Variants in STK26 observed in about 807,000 individuals in gnomAD.
STK26 encodes serine/threonine kinase 26.
A neutral mutation model predicts 34.7 loss-of-function variants in STK26; 14 were observed. The ratio of observed to expected loss-of-function variants is 0.40; its 90% CI spans 0.27 to 0.63. The LOEUF (loss-of-function observed/expected upper bound fraction) is 0.63, where lower values mean the gene tolerates loss of function less well. Among genes scored for constraint, STK26 ranks in the 30% least tolerant of loss-of-function variants. The pLI is 0.38. For synonymous variants in STK26, 100 were observed against 109.8 expected (o/e 0.91, Z 0.56); for missense variants, 226 against 309.1 (o/e 0.73, Z 2.02).
chrX:132,038,450 T>C (rs1438729953), intron 2 of STK26, among the ~76,000 whole-genome samples: 1 of 111,691 alleles, frequency 9.0e-6, no homozygotes, highest in East Asian at 2.8e-4. Context: ...AGGGAAAAGA[T>C]CTAACATAAC....
chrX:132,061,369 A>G (rs1282485108), intron 3 of STK26, among the ~76,000 whole-genome samples: 4 of 111,983 alleles, frequency 3.6e-5, no homozygotes, highest in Non-Finnish European at 7.5e-5. Context: ...GCGAGTGCCT[A>G]GGTTCTATAC....
chrX:132,060,480 T>A (rs928150042), intron 3 of STK26, among the ~76,000 whole-genome samples: 11 of 111,740 alleles, frequency 9.8e-5, no homozygotes, highest in African/African-American at 3.3e-4. Flanking sequence ...ATGTTTTTTT[T>A]AATCAGGCAA....
rs745769707 is a variant in STK26, at chrX:132,061,338, C to T, written c.274-2095C>T. ...TCTTGAAAAAAGTATAAAGGTACAT[C>T]AGAGTCACAATTCTCAGGTTGCGAG... On this transcript the variant is annotated intron_variant, in intron 3 of 11. Coordinates refer to ENST00000394334, the MANE Select transcript of STK26 (RefSeq NM_016542.4). 4.1e-3 allele frequency among the ~76,000 whole-genome samples: 464 copies of T among 112,028 alleles called. 5 individuals are homozygous for T. Among genetic ancestry groups the T allele is most frequent in the African/African-American group, 0.014 (432 of 30,824 alleles).
At chrX:132,041,570 T>A (rs1317509916) in intron 2 of STK26, among the ~76,000 whole-genome samples, 2 of 110,735 alleles carry the variant, frequency 1.8e-5, no homozygotes, top group Non-Finnish European at 3.8e-5. Context: ...TAAGAAACTT[T>A]GTCATTTATC....
At chrX:132,073,116 A>G (rs1461527167) in intron 11 of STK26, 23 bp downstream of exon 11, 1 of 1,168,318 alleles carries the variant, frequency 8.6e-7, no homozygotes, top group South Asian at 1.9e-5. Context: ...TGTCATTTTA[A>G]AAATTATTTT....
At chrX:132,069,756 A>G (rs1927353451) in intron 7 of STK26, 93 bp downstream of exon 7, 1 of 534,269 alleles carries the variant, frequency 1.9e-6, no homozygotes, top group Admixed American at 6.1e-5. Context: ...AATACAGTGT[A>G]TGTGAGAATT....
At chrX:132,025,580 G>A (rs1233302106) in intron 2 of STK26, among the ~76,000 whole-genome samples, 2 of 108,298 alleles carry the variant, frequency 1.8e-5, no homozygotes, top group Admixed American at 9.8e-5. Flanking sequence ...CCTCTGAGTT[G>A]TGATTACTTT....
chrX:132,034,542 C>T (rs1036501294), intron 2 of STK26, among the ~76,000 whole-genome samples: 7 of 110,401 alleles, frequency 6.3e-5, no homozygotes, highest in African/African-American at 2.3e-4. Context: ...GGTCCGCCCG[C>T]CTCGGCCTCC....
At position 132,071,056 on chromosome X, in the gene STK26, T is replaced by C. The variant is rs1407866916; in HGVS notation, c.784-13T>C. 8.3e-7 allele frequency: 1 copy of C among 1,198,762 alleles called. No individual in the cohort carries two copies. The highest frequency in any genetic ancestry group is 3.0e-5 in the East Asian group (1 of 33,718). On this transcript the variant is annotated splice_polypyrimidine_tract_variant and intron_variant, in intron 7 of 11. Coordinates refer to ENST00000394334, the MANE Select transcript of STK26 (RefSeq NM_016542.4). Reference sequence around the variant, plus strand: ...ACAATTGTCATATGCAGCCTTGATCTTTTTATCCTTAGCGTCCTACAGCAA... The same window carrying C: ...ACAATTGTCATATGCAGCCTTGATCCTTTTATCCTTAGCGTCCTACAGCAA...
intron 2 of STK26, among the ~76,000 whole-genome samples, chrX:132,028,037 T>TG (rs1935140268): frequency 9.8e-6 from 1 of 101,813 alleles, no homozygotes; most frequent in Non-Finnish European, 2.0e-5. Flanking sequence ...TATGGTTTTT[T>TG]TTTTTTTTTT....
At chrX:132,047,878 T>A (rs1459086830) in intron 2 of STK26, among the ~76,000 whole-genome samples, 1 of 111,707 alleles carries the variant, frequency 9.0e-6, no homozygotes, top group Admixed American at 9.5e-5. Flanking sequence ...ATGAGGTCAA[T>A]TTTTTATATT....
chrX:132,023,722 G>T, intron 2 of STK26, 63 bp downstream of exon 2: 1 of 1,135,795 alleles, frequency 8.8e-7, no homozygotes, highest in Non-Finnish European at 1.2e-6. Flanking sequence ...TGCGCCCTCG[G>T]TGCTGGGCAC....
At chrX:132,030,020 TCTAA>T (rs1925771787) in intron 2 of STK26, among the ~76,000 whole-genome samples, 1 of 112,121 alleles carries the variant, frequency 8.9e-6, no homozygotes, top group African/African-American at 3.2e-5. Flanking sequence ...AGTGGACTTT[TCTAA>T]CTGTTTAAAA....
chrX:132,066,515 T>C (rs1927230284), intron 4 of STK26, among the ~76,000 whole-genome samples: 1 of 111,896 alleles, frequency 8.9e-6, no homozygotes, highest in Middle Eastern at 4.7e-3. Flanking sequence ...AGATATTATC[T>C]GTTAGAGACA....
At chrX:132,051,076 G>A (rs1006469963) in intron 2 of STK26, among the ~76,000 whole-genome samples, 1 of 111,839 alleles carries the variant, frequency 8.9e-6, no homozygotes, top group Non-Finnish European at 1.9e-5. Flanking sequence ...TAGAGAACTT[G>A]TAAGAGTTCT....
At chrX:132,039,314 T>G (rs1311195119) in intron 2 of STK26, among the ~76,000 whole-genome samples, 2 of 111,846 alleles carry the variant, frequency 1.8e-5, no homozygotes, top group Non-Finnish European at 3.8e-5. Context: ...TTATTTAATA[T>G]GGCCAAGTGG....
chrX:132,035,541 T>C (rs1473810065), intron 2 of STK26, among the ~76,000 whole-genome samples: 1 of 110,172 alleles, frequency 9.1e-6, no homozygotes, highest in Non-Finnish European at 1.9e-5. Flanking sequence ...TTCTTACAAA[T>C]AGAACCTTTC....
chrX:132,055,447 T>G, intron 3 of STK26: 1 of 1,152,279 alleles, frequency 8.7e-7, no homozygotes, highest in Non-Finnish European at 1.1e-6. Context: ...GGATTTTTAC[T>G]GGTTCCAGGA....
chrX:132,065,002 A>T (rs955001048), intron 4 of STK26, among the ~76,000 whole-genome samples: 2 of 111,809 alleles, frequency 1.8e-5, no homozygotes, highest in African/African-American at 6.5e-5. Flanking sequence ...TTTTAAAGAA[A>T]TGGTAATTAA....
Sources: allele counts gnomAD v4.1 joint callset (sites outside exome capture counted in the v4.1 genomes callset), GRCh38; gene constraint gnomAD v4.1.1; transcripts MANE v1.5; gene names NCBI Gene and HGNC (gene_info 2026-07-23, HGNC 2026-07-21).